KANK1: variants seen among roughly 807,000 people sequenced by gnomAD.
KANK1 encodes KN motif and ankyrin repeat domains 1.
KANK1 carries 109 observed loss-of-function variants against 106.2 expected under a neutral mutation model. The ratio of observed to expected loss-of-function variants is 1.03; its 90% confidence interval spans 0.88 to 1.20. The LOEUF (loss-of-function observed/expected upper bound fraction) is 1.20, where lower values mean the gene tolerates loss of function less well. Among genes scored for constraint, KANK1 ranks in the 50% most tolerant of loss-of-function variants. The pLI is 0.00. For missense variants in KANK1, 2,399 were observed against 1,710.7 expected, an observed-to-expected ratio of 1.40 and a Z score of -7.10; for synonymous variants, 873 against 652.2, an observed-to-expected ratio of 1.34 and a Z score of -5.16.
chr9:693,649 G>C, intron 2 of KANK1: 2 of 985,350 alleles, frequency 2.0e-6, no homozygotes, highest in Non-Finnish European at 2.4e-6. Context: ...AATTCCAAAT[G>C]GGTATAAATA....
intron 3 of KANK1, among the ~76,000 whole-genome samples, chr9:481,844 T>TTA: frequency 7.1e-6 from 1 of 140,848 alleles, no homozygotes; most frequent in African/African-American, 2.5e-5. Flanking sequence ...ACCCTGTCTC[T>TTA]AAAAAAAAAA....
At chr9:643,168 C>G (rs1838859736) in intron 1 of KANK1, among the ~76,000 whole-genome samples, 1 of 150,760 alleles carries the variant, frequency 6.6e-6, no homozygotes, top group African/African-American at 2.5e-5. Context: ...GAGTGACTCT[C>G]ATTCATCTCC....
At position 673,432 on chromosome 9, in the gene KANK1, A is replaced by T. The variant is rs560853787; in HGVS notation, c.-83-3458A>T. 3 of 150,662 alleles carry T rather than the reference A, an allele frequency of 2.0e-5. No individual in the cohort carries two copies. In the East Asian group the frequency reaches 5.9e-4, roughly 29 times the overall value. The allele number at this position is 150,662 out of a possible 1,614,324, so 9.3% of individuals were successfully genotyped here. On this transcript the variant is annotated intron_variant, in intron 1 of 11. Coordinates refer to ENST00000382297, the MANE Select transcript of KANK1 (RefSeq NM_015158.5). Reference sequence around the variant, plus strand: ...GCCATGTTGGCCAGCCTGGTCTTGAACTCCTGGCCTCAAGTGATCCACCCA... The same window carrying T: ...GCCATGTTGGCCAGCCTGGTCTTGATCTCCTGGCCTCAAGTGATCCACCCA...
At chr9:623,602 C>CT in intron 1 of KANK1, among the ~76,000 whole-genome samples, 1 of 110,164 alleles carries the variant, frequency 9.1e-6, no homozygotes, top group Non-Finnish European at 2.2e-5. Context: ...GAGATTGTGT[C>CT]TCAAAAAAAA....
At chr9:572,052 T>C (rs1399224145) in intron 1 of KANK1, among the ~76,000 whole-genome samples, 1 of 152,126 alleles carries the variant, frequency 6.6e-6, no homozygotes, top group African/African-American at 2.4e-5. Flanking sequence ...CTTATTTTCC[T>C]TTTTTAGGGC....
intron 3 of KANK1, among the ~76,000 whole-genome samples, chr9:480,344 C>T (rs949959367): frequency 3.3e-5 from 5 of 152,128 alleles, no homozygotes; most frequent in African/African-American, 9.7e-5. Context: ...CATGTGAGTA[C>T]AAAAGGCTAG....
intron 2 of KANK1, among the ~76,000 whole-genome samples, chr9:690,240 A>T (rs1489027734): frequency 2.8e-5 from 4 of 142,962 alleles, no homozygotes; most frequent in South Asian, 2.4e-4. Context: ...CGGGAGGCAG[A>T]GGTTGCAGTG....
At chr9:632,772 C>T (rs1254549462) in intron 1 of KANK1, among the ~76,000 whole-genome samples, 1 of 150,838 alleles carries the variant, frequency 6.6e-6, no homozygotes, top group Non-Finnish European at 1.5e-5. Context: ...TCACTGCAGC[C>T]TACACCTCCT....
chr9:550,463 C>T (rs767834275), intron 1 of KANK1, among the ~76,000 whole-genome samples: 2 of 152,130 alleles, frequency 1.3e-5, no homozygotes, highest in African/African-American at 4.8e-5. Context: ...CAAAACACCA[C>T]GCCAGGTGGC....
intron 1 of KANK1, among the ~76,000 whole-genome samples, chr9:623,822 T>C (rs1355599547): frequency 1.3e-5 from 2 of 152,104 alleles, no homozygotes; most frequent in Non-Finnish European, 2.9e-5. Flanking sequence ...ATTATGGACA[T>C]TGGTATGGAA....
At chr9:526,240 G>A (rs377293579) in intron 1 of KANK1, among the ~76,000 whole-genome samples, 6 of 151,754 alleles carry the variant, frequency 4.0e-5, no homozygotes, top group Non-Finnish European at 7.3e-5. Flanking sequence ...AGAACGGGAC[G>A]GCAGAGCAAT....
At chr9:626,490 T>C (rs1023599135) in intron 1 of KANK1, among the ~76,000 whole-genome samples, 5 of 152,224 alleles carry the variant, frequency 3.3e-5, no homozygotes, top group African/African-American at 1.2e-4. Flanking sequence ...GATACAAATA[T>C]TCTGAATGCT....
intron 8 of KANK1, among the ~76,000 whole-genome samples, chr9:738,922 C>A (rs760901965): frequency 1.3e-5 from 2 of 152,154 alleles, no homozygotes; most frequent in Non-Finnish European, 2.9e-5. Context: ...TGACCTTACT[C>A]CATGACTGCT....
intron 1 of KANK1, among the ~76,000 whole-genome samples, chr9:513,431 T>C (rs943089619): frequency 6.8e-6 from 1 of 146,240 alleles, no homozygotes; most frequent in African/African-American, 2.8e-5. Flanking sequence ...GGGTTTTTTC[T>C]TTTTTTGGAT....
intron 3 of KANK1, among the ~76,000 whole-genome samples, chr9:488,360 A>G (rs73386729): frequency 0.031 from 4,737 of 152,278 alleles, 263 homozygotes; most frequent in African/African-American, 0.11. Flanking sequence ...GAGTCTAACA[A>G]GTAACAGCAA....
chr9:674,172 A>G (rs1029572991), intron 1 of KANK1: 2 of 152,150 alleles, frequency 1.3e-5, no homozygotes, highest in African/African-American at 4.8e-5. Flanking sequence ...TGTGGACCTG[A>G]ACCAGTGCCT....
chr9:629,413 A>G (rs1337633468), intron 1 of KANK1, among the ~76,000 whole-genome samples: 1 of 152,346 alleles, frequency 6.6e-6, no homozygotes, highest in East Asian at 1.9e-4. Context: ...TGTGACAGAA[A>G]TACAATGTTA....
intron 3 of KANK1, among the ~76,000 whole-genome samples, chr9:719,996 G>T (rs1727432440): frequency 6.6e-6 from 1 of 152,102 alleles, no homozygotes; most frequent in South Asian, 2.1e-4. Context: ...CATCTCATTT[G>T]CCTTAGAATT....
At chr9:664,020 C>T (rs1163618004) in intron 1 of KANK1, among the ~76,000 whole-genome samples, 6 of 151,998 alleles carry the variant, frequency 3.9e-5, no homozygotes, top group Admixed American at 6.6e-5. Flanking sequence ...CCCATAATCT[C>T]GTGTGTTGTG....
Sources: gnomAD v4.1 joint callset for allele counts (sites outside exome capture counted in the v4.1 genomes callset) on GRCh38, gnomAD v4.1.1 for gene constraint, MANE v1.5 for transcripts, NCBI Gene and HGNC (gene_info 2026-07-23, HGNC 2026-07-21) for gene names.